The following BRSK1 variants were observed in gnomAD, a reference collection of about 807,000 sequenced individuals.
BRSK1 encodes the protein BR serine/threonine kinase 1.
In BRSK1, 17 loss-of-function variants were observed where a neutral mutation model predicts 86.2. The observed-to-expected ratio is 0.20, with a 90% CI of 0.14 to 0.30. The LOEUF is 0.30. Among genes scored for constraint, BRSK1 ranks in the 10% least tolerant of loss-of-function variants. The probability of loss-of-function intolerance (pLI) is 1.00; values close to 1 mark genes in which losing one functional copy is unlikely to be tolerated. For synonymous variants in BRSK1, 464 were observed against 440.1 expected, an observed-to-expected ratio of 1.05 and a Z score of -0.68; for missense variants, 719 against 1,071.9, an observed-to-expected ratio of 0.67 and a Z score of 4.60.
At chr19:55,297,099 CG>C (rs2088499975) in intron 7 of BRSK1, among the ~76,000 whole-genome samples, 1 of 152,112 alleles carries the variant, frequency 6.6e-6, no homozygotes. Context: ...GTTTTTGAGA[CG>C]GATTCTTGCT....
Position 55,304,467 on chromosome 19 carries a change from C to T in BRSK1, c.1348-84C>T. 2.1e-6 allele frequency: 3 copies of T among 1,419,852 alleles called. No homozygotes were observed. Among genetic ancestry groups the T allele is most frequent in the Non-Finnish European group, 1.9e-6 (2 of 1,072,280 alleles). 88.0% of individuals were successfully genotyped at this position (1,419,852 alleles called of 1,614,324 possible). A position where few individuals can be genotyped will look rare whatever the true frequency, so the allele number is the denominator to read the frequency against. ...TTGCAGCATGCACCGGGCCAGCGTC[C>T]GTGAGTGTGCGTGTGAGTGGGGCTC... On this transcript the variant is annotated intron_variant, in intron 13 of 18. Transcript: ENST00000309383. The surrounding 1 kb of genome is among the most constrained non-coding windows in gnomAD (Gnocchi z 5.2).
At chr19:55,296,802 CAT>C (rs1491568588) in intron 7 of BRSK1, among the ~76,000 whole-genome samples, 4 of 151,900 alleles carry the variant, frequency 2.6e-5, no homozygotes, top group Admixed American at 1.3e-4. Flanking sequence ...GAGCCGAGAT[CAT>C]GCCACTGCAC....
At position 55,287,577 on chromosome 19, in the gene BRSK1, G is replaced by A. The variant is rs906179563; in HGVS notation, c.317+278G>A. ...CGCCCTGTGGCACTGCATGGAATGC[G>A]CTCTGCTAGACAAGCAGGGTGCCCT... On this transcript the variant is annotated intron_variant, in intron 3 of 18. Transcript: ENST00000309383. The surrounding 1 kb of genome is among the most constrained non-coding windows in gnomAD (Gnocchi z 5.3). Among the ~76,000 whole-genome samples, 3 of 152,244 alleles carry A rather than the reference G, an allele frequency of 2.0e-5. No individual in the cohort carries two copies. Among genetic ancestry groups the A allele is most frequent in the East Asian group, 1.9e-4 (1 of 5,198 alleles).
At position 55,284,068 on chromosome 19, in the gene BRSK1, A is replaced by T; in HGVS notation, c.-375A>T. 1 of 530,034 alleles carries T rather than the reference A, an allele frequency of 1.9e-6. No individual in the cohort carries two copies. Among genetic ancestry groups the T allele is most frequent in the Non-Finnish European group, 2.6e-6 (1 of 389,858 alleles). 32.8% of individuals were successfully genotyped at this position (530,034 alleles called of 1,614,324 possible). A position where few individuals can be genotyped will look rare whatever the true frequency, so the allele number is the denominator to read the frequency against. On this transcript the variant is annotated 5_prime_UTR_variant, in exon 1 of 19. Transcript: ENST00000309383. The stretch of plus-strand genomic sequence containing the variant: ...GGAGGCGGAGAGGAGGAGGAGGCGG[A>T]GGAGAGAGGGCGCGTGGGGGGGCGG...
At chr19:55,305,023 G>A in intron 14 of BRSK1, 103 bp downstream of exon 14, 1 of 1,512,954 alleles carries the variant, frequency 6.6e-7, no homozygotes, top group Non-Finnish European at 8.9e-7. Context: ...GAAGGGACTG[G>A]GGGCCTGGAT....
chr19:55,303,515 C>T lies in BRSK1; in HGVS notation c.1126+107C>T. The T allele has an allele frequency of 6.7e-7, 1 of 1,483,406 alleles. No individual in the cohort carries two copies. The highest frequency in any genetic ancestry group is 1.2e-5 in the South Asian group (1 of 86,508). The allele number at this position is 1,483,406 out of a possible 1,614,324, so 91.9% of individuals were successfully genotyped here. On this transcript the variant is annotated intron_variant, in intron 11 of 18. Coordinates refer to ENST00000309383, the MANE Select transcript of BRSK1 (RefSeq NM_032430.2). The surrounding 1 kb of genome is among the most constrained non-coding windows in gnomAD (Gnocchi z 5.1). ...GAAAGAAGGGGCTGCAGGCTCTGAG[C>T]TTCCAGCTTTAGACTGCTTGACTTG...
rs2088776142 is a variant in BRSK1 at position 55,310,946 on chromosome 19, G to A, written c.2180-965G>A. Reference sequence around the variant, plus strand: ...GCCTCCGAGTCACCGTGGTTGCTATGACAAGCCCCCCAGTTTTTGTTTTTG... The same window carrying A: ...GCCTCCGAGTCACCGTGGTTGCTATAACAAGCCCCCCAGTTTTTGTTTTTG... On this transcript the variant is annotated intron_variant, in intron 18 of 18. Coordinates refer to ENST00000309383, the MANE Select transcript of BRSK1 (RefSeq NM_032430.2). This position sits in a 1 kb window ranked among gnomAD's most constrained non-coding sequence, Gnocchi z 5.0. Among the ~76,000 whole-genome samples, 3 of 152,054 alleles carry A rather than the reference G, an allele frequency of 2.0e-5. No individual in the cohort carries two copies. In the South Asian group the frequency reaches 6.2e-4, roughly 32 times the overall value.
Position 55,289,629 on chromosome 19 carries a change from G to T in BRSK1, c.458+9G>T. 1 of 1,613,196 alleles carries T rather than the reference G, an allele frequency of 6.2e-7. No homozygotes were observed. The highest frequency in any genetic ancestry group is 8.5e-7 in the Non-Finnish European group (1 of 1,179,430). On this transcript the variant is annotated intron_variant, in intron 4 of 18. Transcript: ENST00000309383. ...CACAGCTACTCCATCTGGTGAGTGG[G>T]CAGCTTGAGGGGGAGGAGGGGCTGA...
rs750159563 is a variant in BRSK1, at chr19:55,306,379, C to G, written c.2018C>G (p.Pro673Arg). Residue 673 changes from proline to arginine, a missense_variant, in exon 17 of 19, where the codon CCA (proline) becomes CGA (arginine). By Grantham distance (103) the Pro-to-Arg change is moderately radical. Around this residue, in one of 6 missense-constraint regions of BRSK1, gnomAD observed 180 missense variants for 259.4 expected, o/e 0.69. Coordinates refer to ENST00000309383, the MANE Select transcript of BRSK1 (RefSeq NM_032430.2). This position sits in a 1 kb window ranked among gnomAD's most constrained non-coding sequence, Gnocchi z 4.7. ...GTGGACATCAGCTCCTCTGAGGGTCCAGAGCCCTCCCCGCGACGGGACGGC... is the reference window on the plus strand; with the variant it reads ...GTGGACATCAGCTCCTCTGAGGGTCGAGAGCCCTCCCCGCGACGGGACGGC... ...FQVDISSSEG[P>R]EPSPRRDGSG... The G allele has an allele frequency of 4.3e-6, 7 of 1,614,058 alleles. No individual in the cohort carries two copies. Among genetic ancestry groups the G allele is most frequent in the Non-Finnish European group, 5.9e-6 (7 of 1,180,042 alleles).
intron 4 of BRSK1, among the ~76,000 whole-genome samples, chr19:55,293,025 T>C (rs750228987): frequency 8.6e-5 from 13 of 151,776 alleles, no homozygotes; most frequent in Non-Finnish European, 1.6e-4. Context: ...ACACTTGATC[T>C]TAGCCAAAAG....
chr19:55,310,541 C>T lies in BRSK1; in HGVS notation c.2180-1370C>T, dbSNP rs1488679408. Among the ~76,000 whole-genome samples the T allele has an allele frequency of 2.0e-5, 3 of 152,168 alleles. No individual in the cohort carries two copies. The highest frequency in any genetic ancestry group is 4.4e-5 in the Non-Finnish European group (3 of 68,036). ...TCTTTGGAGGGGGCCGTTATTCAGCCTAGCCCAACCCCCTAGGGACATTTA... is the reference window on the plus strand; with the variant it reads ...TCTTTGGAGGGGGCCGTTATTCAGCTTAGCCCAACCCCCTAGGGACATTTA... On this transcript the variant is annotated intron_variant, in intron 18 of 18. Coordinates refer to ENST00000309383, the MANE Select transcript of BRSK1 (RefSeq NM_032430.2). This position sits in a 1 kb window ranked among gnomAD's most constrained non-coding sequence, Gnocchi z 5.0.
intron 4 of BRSK1, among the ~76,000 whole-genome samples, chr19:55,291,080 T>G (rs2122943971): frequency 6.6e-6 from 1 of 152,322 alleles, no homozygotes; most frequent in Non-Finnish European, 1.5e-5. Flanking sequence ...TTAATTTTTG[T>G]ATATGGTGTG....
intron 1 of BRSK1, among the ~76,000 whole-genome samples, chr19:55,286,654 G>A (rs187662927): frequency 7.9e-5 from 12 of 151,718 alleles, no homozygotes; most frequent in African/African-American, 2.9e-4. Context: ...CAGAGAAAGT[G>A]GGGGGGCGGG....
chr19:55,293,716 A>G (rs1158578126), intron 4 of BRSK1, among the ~76,000 whole-genome samples: 1 of 151,594 alleles, frequency 6.6e-6, no homozygotes, highest in African/African-American at 2.4e-5. Flanking sequence ...AGGCTGAGGC[A>G]GGAGAATCAC....
In BRSK1 at chr19:55,299,628, C is replaced by T. The variant is rs2088542178; in HGVS notation, c.679-1884C>T. 2.0e-5 allele frequency among the ~76,000 whole-genome samples: 3 copies of T among 152,084 alleles called. No homozygotes were observed. The South Asian group carries it at 6.2e-4, about 32-fold the overall frequency. Reference sequence around the variant, plus strand: ...GTCAAACTACTGAACTCAAGTGATCCTCGCCCCTTGGCCTCCCAAAGTGCT... The same window carrying T: ...GTCAAACTACTGAACTCAAGTGATCTTCGCCCCTTGGCCTCCCAAAGTGCT... On this transcript the variant is annotated intron_variant, in intron 7 of 18. Coordinates refer to ENST00000309383, the MANE Select transcript of BRSK1 (RefSeq NM_032430.2).
rs747441871 is a variant in BRSK1 at position 55,306,408 on chromosome 19, G to A, written c.2047G>A (p.Gly683Arg). ...PEPSPRRDGSGGGGIYSVTFT... is the reference protein window; with the variant it reads ...PEPSPRRDGSRGGGIYSVTFT... ...GCCCTCCCCGCGACGGGACGGCAGC[G>A]GAGGTGGTGGCATCTACTCCGTCAC... Residue 683 changes from glycine (G) to arginine (R), a missense_variant, in exon 17 of 19, where the codon GGA (glycine) becomes AGA (arginine). Around this residue, in one of 6 missense-constraint regions of BRSK1, gnomAD observed 180 missense variants for 259.4 expected, o/e 0.69. Coordinates refer to ENST00000309383, the MANE Select transcript of BRSK1 (RefSeq NM_032430.2). This position sits in a 1 kb window ranked among gnomAD's most constrained non-coding sequence, Gnocchi z 4.7. 1.6e-5 allele frequency: 26 copies of A among 1,613,728 alleles called. No homozygotes were observed. Among genetic ancestry groups the A allele is most frequent in the African/African-American group, 8.0e-5 (6 of 74,930 alleles).
At chr19:55,311,858 G>T in intron 18 of BRSK1, 53 bp from the exon 19 acceptor site, 1 of 1,587,398 alleles carries the variant, frequency 6.3e-7, no homozygotes, top group Non-Finnish European at 8.6e-7. Flanking sequence ...CTGGTAATGG[G>T]AACCCCAACC....
At chr19:55,311,062 A>G (rs955311941) in intron 18 of BRSK1, among the ~76,000 whole-genome samples, 5 of 152,004 alleles carry the variant, frequency 3.3e-5, no homozygotes, top group Admixed American at 2.6e-4. Flanking sequence ...CCGGGTTTCA[A>G]ATGATTCTCC....
intron 7 of BRSK1, among the ~76,000 whole-genome samples, chr19:55,295,954 G>A (rs1442593307): frequency 6.6e-6 from 1 of 152,154 alleles, no homozygotes; most frequent in Non-Finnish European, 1.5e-5. Context: ...GGGCGACAGA[G>A]TGAGACCCTA....
Sources: allele counts gnomAD v4.1 joint callset (sites outside exome capture counted in the v4.1 genomes callset), GRCh38; gene constraint gnomAD v4.1.1; regional missense constraint gnomAD v4.1.1; non-coding constraint Gnocchi (gnomAD v3.1); transcripts MANE v1.5; gene names NCBI Gene and HGNC (gene_info 2026-07-23, HGNC 2026-07-21).